Variants in FAM114A2 observed in about 807,000 individuals in gnomAD.
The protein encoded by FAM114A2 is family with sequence similarity 114 member A2, also known as protein FAM114A2.
Under a neutral mutation model 58.4 loss-of-function variants are expected in FAM114A2, and 53 were observed. The observed-to-expected ratio is 0.91, with a 90% CI of 0.73 to 1.14. FAM114A2 has a LOEUF of 1.14. Ranked by LOEUF, FAM114A2 falls within the 50% of genes most tolerant of loss-of-function variation. FAM114A2 has a pLI of 0.00. For synonymous variants in FAM114A2, 228 were observed against 211.4 expected (o/e 1.08, Z -0.68); for missense variants, 601 against 581.1 (o/e 1.03, Z -0.35).
At position 154,034,730 on chromosome 5, in the gene FAM114A2, G is replaced by A. The variant is rs775585304; in HGVS notation, c.210+14C>T. ...TTTTAATAGATACCCTACTTTTTCT[G>A]TGGTCTGTGATACCTGAATAGGGAG... On this transcript the variant is annotated intron_variant, in intron 2 of 13. Coordinates refer to ENST00000351797, the MANE Select transcript of FAM114A2 (RefSeq NM_018691.4). The A allele has an allele frequency of 3.2e-6, 5 of 1,567,908 alleles. No individual in the cohort carries two copies. The highest frequency in any genetic ancestry group is 4.4e-6 in the Non-Finnish European group (5 of 1,140,054).
chr5:154,012,116 C>G (rs1346102151), intron 8 of FAM114A2, among the ~76,000 whole-genome samples: 1 of 151,618 alleles, frequency 6.6e-6, no homozygotes, highest in African/African-American at 2.4e-5. Flanking sequence ...AATCTAGGAT[C>G]CAGGTAAGAC....
At chr5:154,002,753 G>T in intron 10 of FAM114A2, 94 bp downstream of exon 10, 2 of 1,230,856 alleles carry the variant, frequency 1.6e-6, no homozygotes, top group South Asian at 1.3e-5. Flanking sequence ...TTGAAATTAC[G>T]GACAGCAGTG....
intron 6 of FAM114A2, chr5:154,027,689 CG>C (rs1439552111): frequency 1.5e-5 from 3 of 196,292 alleles, no homozygotes; most frequent in African/African-American, 7.0e-5. Flanking sequence ...TTAGAAGAGA[CG>C]GGGTTTCATC....
intron 8 of FAM114A2, among the ~76,000 whole-genome samples, chr5:154,020,533 C>A (rs989784522): frequency 6.6e-6 from 1 of 152,110 alleles, no homozygotes; most frequent in Non-Finnish European, 1.5e-5. Context: ...CACAAATAAA[C>A]TAGAAAATCA....
At chr5:154,001,188 A>T (rs957479783) in intron 11 of FAM114A2, among the ~76,000 whole-genome samples, 2 of 152,220 alleles carry the variant, frequency 1.3e-5, no homozygotes, top group Admixed American at 1.3e-4. Context: ...ACATACACAC[A>T]TATGTATACA....
rs1182103459 is a variant in FAM114A2 at position 153,992,596 on chromosome 5, T to G, written c.*380A>C. ...ATTTTAGAACACTAAATTATTTTTC[T>G]CTGGCTTATCAACCAGTTATATCCA... is the stretch of plus-strand genomic sequence containing the variant. On this transcript the variant is annotated 3_prime_UTR_variant, in exon 14 of 14. Coordinates refer to ENST00000351797, the MANE Select transcript of FAM114A2 (RefSeq NM_018691.4). 6.4e-6 allele frequency: 1 copy of G among 156,902 alleles called. No homozygotes were observed. The highest frequency in any genetic ancestry group is 1.4e-5 in the Non-Finnish European group (1 of 71,332). 9.7% of individuals were successfully genotyped at this position (156,902 alleles called of 1,614,324 possible).
chr5:154,020,673 A>G (rs1231584836), intron 8 of FAM114A2, among the ~76,000 whole-genome samples: 1 of 152,138 alleles, frequency 6.6e-6, no homozygotes. Context: ...CAACCAAAAA[A>G]AGTCCAGGAT....
chr5:154,021,686 G>C (rs1025898110), intron 8 of FAM114A2, among the ~76,000 whole-genome samples: 1 of 152,102 alleles, frequency 6.6e-6, no homozygotes, highest in African/African-American at 2.4e-5. Context: ...TGCTCATAGA[G>C]AGGAAGAATC....
chr5:153,996,510 T>C (rs940589551), intron 12 of FAM114A2, among the ~76,000 whole-genome samples: 5 of 150,672 alleles, frequency 3.3e-5, no homozygotes, highest in Non-Finnish European at 5.9e-5. Context: ...TGACAACTCA[T>C]GGACTTGGAG....
intron 6 of FAM114A2, 183 bp from the exon 7 acceptor site, chr5:154,027,517 T>A: frequency 2.2e-6 from 1 of 458,900 alleles, no homozygotes; most frequent in Non-Finnish European, 3.8e-6. Context: ...CACACATAAT[T>A]TGAGACGGAG....
chr5:153,992,080 A>G lies in FAM114A2; in HGVS notation c.*896T>C, dbSNP rs886608946. The G allele has an allele frequency of 6.6e-6, 1 of 152,234 alleles. No homozygotes were observed. The highest frequency in any genetic ancestry group is 6.5e-5 in the Admixed American group (1 of 15,288). The allele number at this position is 152,234 out of a possible 1,614,324, so 9.4% of individuals were successfully genotyped here. A position where few individuals can be genotyped will look rare whatever the true frequency, so the allele number is the denominator to read the frequency against. ...CTATCATAAATGAACATCATTTCTA[A>G]AGGACTATGGCCCACTTCAACACTC... On this transcript the variant is annotated 3_prime_UTR_variant, in exon 14 of 14. Transcript: ENST00000351797.
intron 12 of FAM114A2, among the ~76,000 whole-genome samples, chr5:153,996,606 A>G (rs969570764): frequency 6.6e-6 from 1 of 152,036 alleles, no homozygotes; most frequent in Non-Finnish European, 1.5e-5. Context: ...AGTAATAATA[A>G]AAACACAAAC....
chr5:154,002,884 G>A lies in FAM114A2; in HGVS notation c.1079C>T (p.Ala360Val), dbSNP rs575840679. Residue 360 changes from alanine to valine, a missense_variant, in exon 10 of 14, where the codon GCA (alanine) becomes GTA (valine). Coordinates refer to ENST00000351797, the MANE Select transcript of FAM114A2 (RefSeq NM_018691.4). ...ENEEGEKQSEAENTEQVNKNS... is the reference protein window; with the variant it reads ...ENEEGEKQSEVENTEQVNKNS... ...TTTGTTGACTTGCTCAGTATTTTCT[G>A]CTTCCGACTGTTTTTCTCCTTCTTC... The A allele has an allele frequency of 1.2e-6, 2 of 1,613,970 alleles. No homozygotes were observed. The highest frequency in any genetic ancestry group is 1.3e-5 in the African/African-American group (1 of 75,032).
chr5:154,019,790 C>A (rs1051661531), intron 8 of FAM114A2, among the ~76,000 whole-genome samples: 1 of 152,030 alleles, frequency 6.6e-6, no homozygotes, highest in Non-Finnish European at 1.5e-5. Context: ...GGAAAGGACA[C>A]CCTATTAAAC....
At chr5:154,018,162 C>G (rs550873987) in intron 8 of FAM114A2, among the ~76,000 whole-genome samples, 1 of 152,012 alleles carries the variant, frequency 6.6e-6, no homozygotes, top group Non-Finnish European at 1.5e-5. Context: ...ATTGATAGAC[C>G]ATTCGCAAGA....
Position 154,011,325 on chromosome 5 carries a change from A to T in FAM114A2, c.914-5T>A. The T allele has an allele frequency of 6.2e-7, 1 of 1,608,360 alleles. No homozygotes were observed. Among genetic ancestry groups the T allele is most frequent in the Non-Finnish European group, 8.5e-7 (1 of 1,175,798 alleles). On this transcript the variant is annotated splice_region_variant and splice_polypyrimidine_tract_variant and intron_variant, in intron 8 of 13. Coordinates refer to ENST00000351797, the MANE Select transcript of FAM114A2 (RefSeq NM_018691.4). ...CCTTGGTAAAATCTTCATCCCCTAA[A>T]AAACCAAGTCCCATATAAAACACTC... is the stretch of plus-strand genomic sequence containing the variant.
chr5:154,021,421 C>G (rs1296398983), intron 8 of FAM114A2, among the ~76,000 whole-genome samples: 1 of 152,192 alleles, frequency 6.6e-6, no homozygotes, highest in African/African-American at 2.4e-5. Flanking sequence ...CCAAAATCTC[C>G]TTAAGCTGAT....
At chr5:154,037,895 A>G (rs1772697129) in intron 1 of FAM114A2, among the ~76,000 whole-genome samples, 1 of 152,102 alleles carries the variant, frequency 6.6e-6, no homozygotes, top group Non-Finnish European at 1.5e-5. Context: ...GGTTATCTCT[A>G]TTCTTTCATT....
rs768721652 is a variant in FAM114A2, at chr5:154,029,529, A to T, written c.455T>A (p.Phe152Tyr). The T allele has an allele frequency of 1.2e-6, 2 of 1,611,530 alleles. No homozygotes were observed. The highest frequency in any genetic ancestry group is 4.5e-5 in the East Asian group (2 of 44,816). Reference sequence around the variant, plus strand: ...AGTAGAGATGGTAGAGAATACACCAAATGCCCCAGCCACTGGGGAGGAGTT... The same window carrying T: ...AGTAGAGATGGTAGAGAATACACCATATGCCCCAGCCACTGGGGAGGAGTT... ...NENSSPVAGA[F>Y]GVFSTISTAV... Residue 152 changes from phenylalanine (F) to tyrosine (Y), a missense_variant, in exon 5 of 14, where the codon TTT becomes TAT. Phe to Tyr is a conservative substitution (Grantham distance 22). Coordinates refer to ENST00000351797, the MANE Select transcript of FAM114A2 (RefSeq NM_018691.4).
Sources: allele counts gnomAD v4.1 joint callset (sites outside exome capture counted in the v4.1 genomes callset), GRCh38; gene constraint gnomAD v4.1.1; transcripts MANE v1.5; gene names NCBI Gene and HGNC (gene_info 2026-07-23, HGNC 2026-07-21).